PLA2G4E: variants seen among roughly 807,000 people sequenced by gnomAD.
PLA2G4E encodes the protein phospholipase A2 group IVE, also known as cytosolic phospholipase A2 epsilon.
In PLA2G4E, 84 loss-of-function variants were observed where a neutral mutation model predicts 109.1. The ratio of observed to expected loss-of-function variants is 0.77; its 90% CI spans 0.65 to 0.92. The LOEUF (loss-of-function observed/expected upper bound fraction) is 0.92, where lower values mean the gene tolerates loss of function less well. PLA2G4E is among the 40% of genes least tolerant of loss of function. PLA2G4E has a pLI of 0.00. For missense variants in PLA2G4E, 1,057 were observed against 1,076.6 expected (o/e 0.98, Z 0.25); for synonymous variants, 469 against 436.1 (o/e 1.08, Z -0.94).
rs997494193 is a variant in PLA2G4E, at chr15:41,982,356, AG to A, written c.*1397del. On this transcript the variant is annotated 3_prime_UTR_variant, in exon 20 of 20. Coordinates refer to ENST00000399518, the Ensembl canonical transcript of PLA2G4E. ...CTGACTTTGGGTTTCTCTGTGTCCC[AG>A]GGTTTTCCCAGAGATTCATTAGGAA... 5.0e-4 allele frequency: 76 copies of A among 152,286 alleles called. 1 individual carries two copies. Among genetic ancestry groups the A allele is most frequent in the African/African-American group, 1.7e-3 (69 of 41,550 alleles). The allele number at this position is 152,286 out of a possible 1,614,324, so 9.4% of individuals were successfully genotyped here. A position where few individuals can be genotyped will look rare whatever the true frequency, so the allele number is the denominator to read the frequency against.
chr15:42,002,287 A>AAAAAAC (rs1555386330), intron 6 of PLA2G4E, among the ~76,000 whole-genome samples: 12 of 140,888 alleles, frequency 8.5e-5, no homozygotes, highest in African/African-American at 2.5e-4. Flanking sequence ...AAAAAAAAAA[A>AAAAAAC]GGTAAACTGT....
chr15:41,992,996 G>A lies in PLA2G4E; in HGVS notation c.1248-37C>T, dbSNP rs747801102. ...CAGGCACAGCTGATAGGGCTGACCCGGCCCCTGTCTGATGAGTCCTGGACC... is the reference window on the plus strand; with the variant it reads ...CAGGCACAGCTGATAGGGCTGACCCAGCCCCTGTCTGATGAGTCCTGGACC... On this transcript the variant is annotated intron_variant, in intron 12 of 19. Coordinates refer to ENST00000399518, the Ensembl canonical transcript of PLA2G4E. 8.4e-5 allele frequency: 131 copies of A among 1,556,780 alleles called. No individual in the cohort carries two copies. In the Admixed American group the frequency reaches 2.1e-3, roughly 24 times the overall value.
At chr15:41,994,045 C>T (rs1050987106) in intron 12 of PLA2G4E, among the ~76,000 whole-genome samples, 2 of 148,914 alleles carry the variant, frequency 1.3e-5, no homozygotes, top group Admixed American at 6.7e-5. Flanking sequence ...ACCTTCTTAA[C>T]CTACTACCGG....
chr15:42,007,428 C>T (rs1268761022), intron 3 of PLA2G4E, among the ~76,000 whole-genome samples: 6 of 152,172 alleles, frequency 3.9e-5, no homozygotes, highest in African/African-American at 1.2e-4. Context: ...TATTCCCCTG[C>T]TTGGAGAAGG....
chr15:42,049,963 A>T (rs1889479631), intron 1 of PLA2G4E, among the ~76,000 whole-genome samples: 1 of 152,150 alleles, frequency 6.6e-6, no homozygotes, highest in African/African-American at 2.4e-5. Flanking sequence ...GGAATTGCGT[A>T]TTTGCTCATA....
In PLA2G4E at chr15:42,005,983, C is replaced by A; in HGVS notation, c.525+7G>T. 1 of 1,613,506 alleles carries A rather than the reference C, an allele frequency of 6.2e-7. No homozygotes were observed. Among genetic ancestry groups the A allele is most frequent in the Non-Finnish European group, 8.5e-7 (1 of 1,179,548 alleles). Reference sequence around the variant, plus strand: ...CCGGAGTCTGAGGGCCTGTACCCTGCACCCACCTGCGGGTTGAGTGGAAAC... The same window carrying A: ...CCGGAGTCTGAGGGCCTGTACCCTGAACCCACCTGCGGGTTGAGTGGAAAC... On this transcript the variant is annotated splice_region_variant and intron_variant, in intron 4 of 19. Coordinates refer to ENST00000399518, the Ensembl canonical transcript of PLA2G4E.
intron 1 of PLA2G4E, among the ~76,000 whole-genome samples, chr15:42,048,512 C>T (rs556649932): frequency 1.3e-5 from 2 of 152,244 alleles, no homozygotes; most frequent in East Asian, 3.9e-4. Flanking sequence ...GTCATGTGGG[C>T]CTTTCTGCTC....
exon 5 of PLA2G4E, chr15:42,004,940 C>T (rs748388800): frequency 6.2e-7 from 1 of 1,613,332 alleles, no homozygotes; most frequent in Admixed American, 1.7e-5. Flanking sequence ...CTACTCACCT[C>T]TCCTCCAGCA....
chr15:41,992,441 C>G (rs952430993), intron 13 of PLA2G4E, among the ~76,000 whole-genome samples: 1 of 152,236 alleles, frequency 6.6e-6, no homozygotes, highest in Non-Finnish European at 1.5e-5. Flanking sequence ...CCCCGGCTTC[C>G]TCCCCGTTTT....
intron 13 of PLA2G4E, among the ~76,000 whole-genome samples, chr15:41,991,685 C>T (rs1269721068): frequency 6.6e-6 from 1 of 152,184 alleles, no homozygotes; most frequent in East Asian, 1.9e-4. Context: ...CGGTCATTCT[C>T]AGGTGCTCAA....
chr15:41,999,400 C>T (rs1193601584), intron 10 of PLA2G4E, 124 bp downstream of exon 10: 1 of 701,104 alleles, frequency 1.4e-6, no homozygotes, highest in Non-Finnish European at 2.5e-6. Flanking sequence ...GCCAGCCAGC[C>T]CATGGAAAGA....
chr15:42,002,768 G>T, intron 5 of PLA2G4E, 72 bp from the exon 6 acceptor site: 1 of 1,314,466 alleles, frequency 7.6e-7, no homozygotes. Context: ...GCGACAAAGG[G>T]AATAAATAGG....
intron 1 of PLA2G4E, among the ~76,000 whole-genome samples, chr15:42,015,385 C>T (rs920720194): frequency 5.3e-5 from 8 of 152,178 alleles, no homozygotes; most frequent in African/African-American, 1.9e-4. Flanking sequence ...TGGCCCCAGG[C>T]GTTAAGCCTG....
chr15:41,986,522 T>G (rs1319248866), intron 17 of PLA2G4E, among the ~76,000 whole-genome samples: 2 of 139,408 alleles, frequency 1.4e-5, no homozygotes, highest in Non-Finnish European at 3.1e-5. Flanking sequence ...ACCACTCACA[T>G]TTTTTTTTTT....
intron 13 of PLA2G4E, among the ~76,000 whole-genome samples, chr15:41,991,452 T>C (rs1184655030): frequency 6.9e-6 from 1 of 144,430 alleles, no homozygotes; most frequent in Non-Finnish European, 1.5e-5. Context: ...CCAAGGCCGA[T>C]GCCCTTGGCC....
chr15:42,004,316 AAAAGGAAAG>A (rs529157085), intron 5 of PLA2G4E, among the ~76,000 whole-genome samples: 1 of 150,092 alleles, frequency 6.7e-6, no homozygotes, highest in South Asian at 2.1e-4. Flanking sequence ...GAAAGGAAAG[AAAAGGAAAG>A]AAAGGAAAGA....
At chr15:42,014,958 G>T (rs1250638717) in intron 1 of PLA2G4E, among the ~76,000 whole-genome samples, 1 of 152,080 alleles carries the variant, frequency 6.6e-6, no homozygotes, top group African/African-American at 2.4e-5. Flanking sequence ...AACAACTGGG[G>T]TGTGGGAACA....
intron 2 of PLA2G4E, among the ~76,000 whole-genome samples, chr15:42,010,892 G>A (rs948055209): frequency 1.3e-5 from 2 of 152,208 alleles, no homozygotes; most frequent in Non-Finnish European, 2.9e-5. Flanking sequence ...GGAAACTTTA[G>A]GAGACTCAGG....
chr15:41,985,849 G>T, exon 18 of PLA2G4E: 1 of 1,610,680 alleles, frequency 6.2e-7, no homozygotes, highest in Non-Finnish European at 8.5e-7. Flanking sequence ...CTTTGTCTGG[G>T]ACCCAGCACA....
Sources: gnomAD v4.1 joint callset for allele counts (sites outside exome capture counted in the v4.1 genomes callset) on GRCh38, gnomAD v4.1.1 for gene constraint, MANE v1.5 for transcripts, NCBI Gene and HGNC (gene_info 2026-07-23, HGNC 2026-07-21) for gene names.